The following EPSTI1 variants were observed in gnomAD, a reference collection of about 807,000 sequenced individuals.
EPSTI1 encodes epithelial stromal interaction 1.
A neutral mutation model predicts 49.9 loss-of-function variants in EPSTI1; 66 were observed. The observed-to-expected ratio is 1.32, with a 90% CI of 1.08 to 1.62. The LOEUF (loss-of-function observed/expected upper bound fraction) is 1.62. Ranked by LOEUF, EPSTI1 falls within the 40% of genes most tolerant of loss-of-function variation. EPSTI1 has a pLI of 0.00. For missense variants in EPSTI1, 394 were observed against 365.5 expected, an observed-to-expected ratio of 1.08 and a Z score of -0.64; for synonymous variants, 137 against 130.7, an observed-to-expected ratio of 1.05 and a Z score of -0.33.
Position 42,964,504 on chromosome 13 carries a change from A to G in EPSTI1, c.332-365T>C, listed in dbSNP as rs989002486. ...AGAATATTCCTCCTGCTTGAATATG[A>G]CCATGCCCGAACCTAGTAAAGATGG... On this transcript the variant is annotated intron_variant, in intron 3 of 10. Transcript: ENST00000313624. 2.0e-5 allele frequency among the ~76,000 whole-genome samples: 3 copies of G among 152,160 alleles called. No individual in the cohort carries two copies. The East Asian group carries it at 5.8e-4, about 29-fold the overall frequency.
At position 42,887,515 on chromosome 13, in the gene EPSTI1, A is replaced by T. The variant is rs2036897320; in HGVS notation, c.*979T>A. ...TTGTTGTATTTACCTTTATTCTAGG[A>T]TTGAATGTAATGCTTTTGCTATACA... On this transcript the variant is annotated 3_prime_UTR_variant, in exon 11 of 11. Transcript: ENST00000313624. The T allele has an allele frequency of 6.6e-6, 1 of 152,212 alleles. No homozygotes were observed. Among genetic ancestry groups the T allele is most frequent in the Admixed American group, 6.5e-5 (1 of 15,278 alleles). 9.4% of individuals were successfully genotyped at this position (152,212 alleles called of 1,614,324 possible). A position where few individuals can be genotyped will look rare whatever the true frequency, so the allele number is the denominator to read the frequency against.
chr13:42,958,883 C>T (rs1320989849), intron 5 of EPSTI1, among the ~76,000 whole-genome samples: 1 of 152,114 alleles, frequency 6.6e-6, no homozygotes, highest in African/African-American at 2.4e-5. Context: ...ACAAAAGTCA[C>T]ATATGTTTTT....
At chr13:42,890,195 A>G (rs2036988185) in intron 10 of EPSTI1, among the ~76,000 whole-genome samples, 1 of 151,982 alleles carries the variant, frequency 6.6e-6, no homozygotes, top group Non-Finnish European at 1.5e-5. Context: ...GTGAATCTAT[A>G]GCTTATTTGA....
chr13:42,985,279 C>G (rs2040057120), intron 1 of EPSTI1, among the ~76,000 whole-genome samples: 1 of 152,136 alleles, frequency 6.6e-6, no homozygotes, highest in African/African-American at 2.4e-5. Context: ...GAGGGTGATA[C>G]AAGTTGTTTG....
At chr13:42,963,521 G>T (rs1026595859) in intron 4 of EPSTI1, 183 bp from the exon 5 acceptor site, 2 of 580,728 alleles carry the variant, frequency 3.4e-6, no homozygotes, top group East Asian at 5.8e-5. Context: ...TCTTCTGCCC[G>T]TGAAATTTCT....
chr13:42,933,218 A>G (rs1290298487), intron 6 of EPSTI1, among the ~76,000 whole-genome samples: 2 of 151,734 alleles, frequency 1.3e-5, no homozygotes, highest in African/African-American at 2.4e-5. Context: ...TGTATAAGAT[A>G]TTAATGTTAG....
chr13:42,933,079 C>T (rs1463126000), intron 6 of EPSTI1, among the ~76,000 whole-genome samples: 1 of 151,938 alleles, frequency 6.6e-6, no homozygotes, highest in Non-Finnish European at 1.5e-5. Context: ...TTTATGTGAT[C>T]CTGAATTGGA....
rs1308098890 is a variant in EPSTI1, at chr13:42,922,096, G to A, written c.657+4240C>T. Among the ~76,000 whole-genome samples, 1 of 152,150 alleles carries A rather than the reference G, an allele frequency of 6.6e-6. No homozygotes were observed. The highest frequency in any genetic ancestry group is 6.5e-5 in the Admixed American group (1 of 15,272). Reference sequence around the variant, plus strand: ...AGAAAACGTGTATATAGTCATAATAGGGAAAGCTCAAATTACTGAATAATT... The same window carrying A: ...AGAAAACGTGTATATAGTCATAATAAGGAAAGCTCAAATTACTGAATAATT... On this transcript the variant is annotated intron_variant, in intron 7 of 10. Transcript: ENST00000313624. The surrounding 1 kb of genome is among the most constrained non-coding windows in gnomAD (Gnocchi z 4.8).
chr13:42,957,635 G>A (rs1473041861), intron 5 of EPSTI1, among the ~76,000 whole-genome samples: 1 of 152,212 alleles, frequency 6.6e-6, no homozygotes, highest in Non-Finnish European at 1.5e-5. Context: ...CAGTGCAGTG[G>A]TGCCATCTGG....
intron 3 of EPSTI1, 125 bp from the exon 4 acceptor site, chr13:42,964,264 A>G (rs2039543925): frequency 1.5e-6 from 1 of 652,892 alleles, no homozygotes; most frequent in South Asian, 2.6e-5. Context: ...TGCTCTTGCA[A>G]ATAAGAACAT....
chr13:42,958,573 T>A (rs978193818), intron 5 of EPSTI1, among the ~76,000 whole-genome samples: 1 of 152,096 alleles, frequency 6.6e-6, no homozygotes, highest in African/African-American at 2.4e-5. Flanking sequence ...ATGGTACCAA[T>A]GAGGAAAAGG....
chr13:42,931,766 A>C (rs1666993253), intron 6 of EPSTI1, among the ~76,000 whole-genome samples: 1 of 152,132 alleles, frequency 6.6e-6, no homozygotes, highest in South Asian at 2.1e-4. Context: ...TATATATCTT[A>C]TTCCTTTTGG....
chr13:42,970,617 T>C lies in EPSTI1; in HGVS notation c.242A>G (p.Gln81Arg), dbSNP rs773644797. The C allele has an allele frequency of 6.2e-7, 1 of 1,609,454 alleles. No homozygotes were observed. Among genetic ancestry groups the C allele is most frequent in the African/African-American group, 1.3e-5 (1 of 74,760 alleles). ...APNINRRNEI[Q>R]RIAEQELANL... ...AAATGAATGACTATACATACTTCTT[T>C]GTATCTCATTTCTCCGGTTTATATT... The change falls in exon 2 of 11, where the codon CAA (glutamine) becomes CGA (arginine). Residue 81 changes from glutamine (Q) to arginine (R), a missense_variant. Coordinates refer to ENST00000313624, the MANE Select transcript of EPSTI1 (RefSeq NM_033255.5).
chr13:42,987,356 A>T (rs1358898051), intron 1 of EPSTI1, among the ~76,000 whole-genome samples: 1 of 151,952 alleles, frequency 6.6e-6, no homozygotes, highest in Non-Finnish European at 1.5e-5. Context: ...TCAGGAAAAA[A>T]AAAACCACAC....
chr13:42,945,392 AGATGAGATTTG>A (rs1303479178), intron 6 of EPSTI1, among the ~76,000 whole-genome samples: 2 of 152,202 alleles, frequency 1.3e-5, no homozygotes, highest in Non-Finnish European at 2.9e-5. Flanking sequence ...CTACAATTCA[AGATGAGATTTG>A]GATGGGGACA....
At chr13:42,949,309 G>A (rs1033567288) in intron 6 of EPSTI1, among the ~76,000 whole-genome samples, 1 of 152,050 alleles carries the variant, frequency 6.6e-6, no homozygotes, top group East Asian at 1.9e-4. Context: ...AGAGGCTTTG[G>A]CCCAGGCACG....
At chr13:42,900,752 C>A (rs182903788) in intron 8 of EPSTI1, among the ~76,000 whole-genome samples, 275 of 152,172 alleles carry the variant, frequency 1.8e-3, no homozygotes, top group African/African-American at 6.1e-3. Context: ...AATACTATTT[C>A]TTGGTATTTC....
intron 7 of EPSTI1, among the ~76,000 whole-genome samples, chr13:42,920,326 C>T (rs74060684): frequency 0.037 from 5,668 of 152,184 alleles, 278 homozygotes; most frequent in East Asian, 0.1. Flanking sequence ...AAATGAAATA[C>T]ACACAAGCTC....
intron 6 of EPSTI1, among the ~76,000 whole-genome samples, chr13:42,930,008 T>C (rs924741015): frequency 3.9e-5 from 6 of 152,214 alleles, no homozygotes; most frequent in Admixed American, 3.9e-4. Context: ...TAATTGAGCA[T>C]GTCTGGAGTG....
Sources: allele counts gnomAD v4.1 joint callset (sites outside exome capture counted in the v4.1 genomes callset), GRCh38; gene constraint gnomAD v4.1.1; non-coding constraint Gnocchi (gnomAD v3.1); transcripts MANE v1.5; gene names NCBI Gene and HGNC (gene_info 2026-07-23, HGNC 2026-07-21).